CLCN5: variants seen among roughly 807,000 people sequenced by gnomAD.
The protein encoded by CLCN5 is H(+)/Cl(-) exchange transporter 5.
CLCN5 carries 17 observed loss-of-function variants against 54.0 expected under a neutral mutation model. That is an observed-to-expected ratio of 0.31 (90% confidence interval 0.22 to 0.47). The LOEUF (loss-of-function observed/expected upper bound fraction) is 0.47. Ranked by LOEUF, CLCN5 falls within the 20% of genes least tolerant of loss-of-function variation. CLCN5 has a pLI of 1.00. For missense variants in CLCN5, 448 were observed against 646.7 expected (o/e 0.69, Z 3.33); for synonymous variants, 222 against 233.0 (o/e 0.95, Z 0.43).
intron 7 of CLCN5, among the ~76,000 whole-genome samples, chrX:50,076,333 A>G (rs1933404006): frequency 8.9e-6 from 1 of 112,425 alleles, no homozygotes; most frequent in Non-Finnish European, 1.9e-5. Flanking sequence ...CTAATGAAGG[A>G]CAGAGTGAGT....
intron 3 of CLCN5, among the ~76,000 whole-genome samples, chrX:50,030,093 T>C (rs1221112385): frequency 8.9e-6 from 1 of 112,107 alleles, no homozygotes; most frequent in Non-Finnish European, 1.9e-5. Flanking sequence ...TGTCTACTTA[T>C]TCTTCTAGAT....
intron 3 of CLCN5, among the ~76,000 whole-genome samples, chrX:50,026,165 C>T (rs1931377468): frequency 9.0e-6 from 1 of 111,711 alleles, no homozygotes; most frequent in Non-Finnish European, 1.9e-5. Context: ...TGTTTAATCT[C>T]CAAGTATTTG....
intron 3 of CLCN5, among the ~76,000 whole-genome samples, chrX:49,994,539 G>A (rs1301146616): frequency 9.0e-5 from 10 of 111,346 alleles, no homozygotes; most frequent in Non-Finnish European, 1.5e-4. Flanking sequence ...AGGAGAGTAG[G>A]AAGTTAAAAA....
intron 4 of CLCN5, among the ~76,000 whole-genome samples, chrX:50,058,423 C>T (rs1457519564): frequency 9.0e-6 from 1 of 111,093 alleles, no homozygotes; most frequent in African/African-American, 3.3e-5. Context: ...TTATTCTCAA[C>T]AGATTTTTTT....
intron 3 of CLCN5, among the ~76,000 whole-genome samples, chrX:50,041,471 G>C (rs930325939): frequency 2.7e-5 from 3 of 110,793 alleles, no homozygotes; most frequent in Non-Finnish European, 5.7e-5. Flanking sequence ...CTTAAGAACA[G>C]CATTGAATGG....
At chrX:49,943,382 G>C (rs1377642125) in intron 3 of CLCN5, among the ~76,000 whole-genome samples, 1 of 92,701 alleles carries the variant, frequency 1.1e-5, no homozygotes, top group Non-Finnish European at 2.1e-5. Flanking sequence ...GGTTTCTTTT[G>C]CTGTGCAGAA....
At chrX:50,027,113 C>A (rs1358355141) in intron 3 of CLCN5, among the ~76,000 whole-genome samples, 1 of 107,181 alleles carries the variant, frequency 9.3e-6, no homozygotes, top group Non-Finnish European at 1.9e-5. Context: ...CTCCTGGGTT[C>A]AAGTGATTCT....
intron 3 of CLCN5, among the ~76,000 whole-genome samples, chrX:49,981,266 A>T (rs1296304351): frequency 8.9e-6 from 1 of 112,015 alleles, no homozygotes; most frequent in African/African-American, 3.2e-5. Flanking sequence ...TAATCCAAAA[A>T]GGTTATGTGA....
chrX:50,007,247 G>A (rs2147390454), intron 3 of CLCN5, among the ~76,000 whole-genome samples: 1 of 112,176 alleles, frequency 8.9e-6, no homozygotes, highest in Admixed American at 9.4e-5. Context: ...AGGAGAATGA[G>A]CATGCAAGGG....
intron 6 of CLCN5, among the ~76,000 whole-genome samples, chrX:50,073,399 G>A (rs1933295876): frequency 8.9e-6 from 1 of 111,808 alleles, no homozygotes; most frequent in African/African-American, 3.3e-5. Flanking sequence ...AGGCTGCCTG[G>A]ATTTGAATCC....
intron 3 of CLCN5, among the ~76,000 whole-genome samples, chrX:49,975,067 A>C: frequency 8.9e-6 from 1 of 112,349 alleles, no homozygotes; most frequent in East Asian, 2.8e-4. Context: ...GCAGAGAGAC[A>C]AAACAATGGT....
chrX:50,047,699 C>G (rs1367122548), intron 4 of CLCN5, among the ~76,000 whole-genome samples: 10 of 111,632 alleles, frequency 9.0e-5, no homozygotes, highest in African/African-American at 2.9e-4. Context: ...GTGACAGTTT[C>G]TCAGACTTTC....
chrX:50,027,778 G>A (rs1261419921), intron 3 of CLCN5, among the ~76,000 whole-genome samples: 2 of 102,693 alleles, frequency 1.9e-5, no homozygotes, highest in African/African-American at 3.7e-5. Context: ...TTGAAAGCTA[G>A]ACATGATATA....
chrX:49,999,271 G>A (rs1331022211), intron 3 of CLCN5, among the ~76,000 whole-genome samples: 1 of 111,283 alleles, frequency 9.0e-6, no homozygotes. Flanking sequence ...ACACATTGGG[G>A]TGTGAGCTGT....
chrX:50,019,468 C>CTTTT (rs1175073117), intron 3 of CLCN5, among the ~76,000 whole-genome samples: 152 of 47,619 alleles, frequency 3.2e-3, no homozygotes, highest in Non-Finnish European at 4.4e-3. Flanking sequence ...TTTTTTTTTT[C>CTTTT]TTTTTTTTTT....
intron 3 of CLCN5, among the ~76,000 whole-genome samples, chrX:49,995,812 C>T (rs1219443771): frequency 2.7e-5 from 3 of 111,831 alleles, no homozygotes; most frequent in Non-Finnish European, 5.6e-5. Context: ...CCAGTTTTAT[C>T]ATGTGTTATG....
intron 5 of CLCN5, among the ~76,000 whole-genome samples, chrX:50,071,209 A>C (rs1933206749): frequency 1.8e-5 from 2 of 110,936 alleles, no homozygotes; most frequent in African/African-American, 3.3e-5. Flanking sequence ...AGGTTGTCCC[A>C]AGTACAGGTT....
rs782810837 is a variant in CLCN5 at position 50,057,804 on chromosome X, A to G, written c.164-12075A>G. Reference sequence around the variant, plus strand: ...AAAATGAAGGCACAAGTTGCTAGATAGAAAGTTCCTACAAATGTTGATTAA... The same window carrying G: ...AAAATGAAGGCACAAGTTGCTAGATGGAAAGTTCCTACAAATGTTGATTAA... On this transcript the variant is annotated intron_variant, in intron 4 of 14. Coordinates refer to ENST00000376091, the MANE Select transcript of CLCN5 (RefSeq NM_001127898.4). Among the ~76,000 whole-genome samples, 17 of 109,796 alleles carry G rather than the reference A, an allele frequency of 1.5e-4. No individual in the cohort carries two copies. The East Asian group carries it at 4.1e-3, about 27-fold the overall frequency.
intron 3 of CLCN5, among the ~76,000 whole-genome samples, chrX:50,038,186 G>C (rs914322159): frequency 2.5e-4 from 28 of 111,591 alleles, no homozygotes; most frequent in Non-Finnish European, 3.8e-4. Flanking sequence ...ATAACCCATT[G>C]AAAAAATTAG....
Sources: allele counts gnomAD v4.1 joint callset (sites outside exome capture counted in the v4.1 genomes callset), GRCh38; gene constraint gnomAD v4.1.1; transcripts MANE v1.5; gene names NCBI Gene and HGNC (gene_info 2026-07-23, HGNC 2026-07-21).